Variants in MIB2 observed in about 807,000 individuals in gnomAD.
The protein encoded by MIB2 is E3 ubiquitin-protein ligase MIB2.
A neutral mutation model predicts 96.6 loss-of-function variants in MIB2; 78 were observed. The observed-to-expected ratio is 0.81, with a 90% CI of 0.67 to 0.97. MIB2 has a LOEUF of 0.97. Ranked by LOEUF, MIB2 falls within the 50% of genes least tolerant of loss-of-function variation. The pLI is 0.00. For synonymous variants in MIB2, 820 were observed against 629.5 expected (o/e 1.30, Z -4.53); for missense variants, 1,543 against 1,424.0 (o/e 1.08, Z -1.35).
rs755577709 is a variant in MIB2 at position 1,628,498 on chromosome 1, G to A, written c.1978G>A (p.Asp660Asn). ...AQILIREGRC[D>N]VNVRNRKLQS... is the part of the protein sequence containing the mutation. ...CCCCACCCCTCCCCAGGGCCGCTGT[G>A]ACGTGAACGTGCGCAACCGGAAGCT... is the stretch of plus-strand genomic sequence containing the variant. The change falls in exon 16 of 20, where the codon GAC (aspartate) becomes AAC (asparagine). Residue 660 changes from aspartate (D) to asparagine (N), a missense_variant. Physicochemically the swap from Asp to Asn is conservative, Grantham distance 23. Coordinates refer to ENST00000355826, the MANE Select transcript of MIB2 (RefSeq NM_001170687.4). 16 of 1,599,492 alleles carry A rather than the reference G, an allele frequency of 1.0e-5. No homozygotes were observed. The East Asian group carries it at 1.6e-4, about 16-fold the overall frequency.
Position 1,629,268 on chromosome 1 carries a change from G to T in MIB2, c.2338G>T (p.Gly780Cys). ...GRSPLDLAAE[G>C]RVLKALQGCA... ...GAGCCCGCTGGACCTGGCCGCCGAG[G>T]GTCGCGTGCTCAAGGCCCTTCAGGG... Residue 780 changes from glycine (G) to cysteine (C), a missense_variant, in exon 17 of 20, where the codon GGT (glycine) becomes TGT (cysteine). By Grantham distance (159) the Gly-to-Cys change is radical (BLOSUM62 -3). Coordinates refer to ENST00000355826, the MANE Select transcript of MIB2 (RefSeq NM_001170687.4). The T allele has an allele frequency of 6.5e-7, 1 of 1,545,066 alleles. No individual in the cohort carries two copies. Among genetic ancestry groups the T allele is most frequent in the East Asian group, 2.6e-5 (1 of 38,946 alleles).
rs372787808 is a variant in MIB2 at position 1,625,451 on chromosome 1, C to A, written c.864+23C>A. ...GAGGTGAGCCGCCCCGCCGTGGAGC[C>A]CTGTGTGCCCTGCCCTCCCAGCCCT... On this transcript the variant is annotated intron_variant, in intron 7 of 19. Transcript: ENST00000355826. This position sits in a 1 kb window ranked among gnomAD's most constrained non-coding sequence, Gnocchi z 5.0. 84 of 1,562,092 alleles carry A rather than the reference C, an allele frequency of 5.4e-5. No individual in the cohort carries two copies. Among genetic ancestry groups the A allele is most frequent in the Non-Finnish European group, 7.2e-5 (83 of 1,153,844 alleles).
In MIB2 at chr1:1,628,475, C is replaced by T. The variant is rs1479839532; in HGVS notation, c.1969-14C>T. On this transcript the variant is annotated splice_polypyrimidine_tract_variant and intron_variant, in intron 15 of 19. Coordinates refer to ENST00000355826, the MANE Select transcript of MIB2 (RefSeq NM_001170687.4). Reference sequence around the variant, plus strand: ...TGGGGTCCCTGGGCTGAGCCCGTCCCCACCCCTCCCCAGGGCCGCTGTGAC... The same window carrying T: ...TGGGGTCCCTGGGCTGAGCCCGTCCTCACCCCTCCCCAGGGCCGCTGTGAC... 3.8e-6 allele frequency: 6 copies of T among 1,595,254 alleles called. No homozygotes were observed. Among genetic ancestry groups the T allele is most frequent in the Non-Finnish European group, 5.1e-6 (6 of 1,174,538 alleles).
At chr1:1,620,603 C>G (rs539652674) in intron 2 of MIB2, among the ~76,000 whole-genome samples, 2 of 152,226 alleles carry the variant, frequency 1.3e-5, no homozygotes, top group African/African-American at 2.4e-5. Flanking sequence ...TCTCACTTGT[C>G]CCCCCGCCAG....
intron 16 of MIB2, 29 bp from the exon 17 acceptor site, chr1:1,629,104 C>G (rs954837691): frequency 1.4e-6 from 2 of 1,424,000 alleles, no homozygotes; most frequent in African/African-American, 1.5e-5. Flanking sequence ...CCGGCGCCCG[C>G]CCTCACCGGC....
chr1:1,625,571 A>T lies in MIB2; in HGVS notation c.890A>T (p.His297Leu). The T allele has an allele frequency of 6.3e-7, 1 of 1,584,188 alleles. No individual in the cohort carries two copies. The highest frequency in any genetic ancestry group is 1.1e-5 in the South Asian group (1 of 87,078). The change falls in exon 8 of 20, where the codon CAT (histidine) becomes CTT (leucine). Residue 297 changes from histidine (H) to leucine (L), a missense_variant. His to Leu is a moderately conservative substitution (Grantham distance 99). Coordinates refer to ENST00000355826, the MANE Select transcript of MIB2 (RefSeq NM_001170687.4). The surrounding 1 kb of genome is among the most constrained non-coding windows in gnomAD (Gnocchi z 5.0). Reference protein sequence around the residue: ...AEFIGQTGTVHRITDRGDVRV... With the variant: ...AEFIGQTGTVLRITDRGDVRV... The stretch of plus-strand genomic sequence containing the variant: ...TTTATCGGACAGACGGGCACCGTGC[A>T]TCGTATCACGGACCGCGGGGACGTG...
chr1:1,616,724 A>G, intron 2 of MIB2, 110 bp downstream of exon 2: 1 of 793,064 alleles, frequency 1.3e-6, no homozygotes, highest in Non-Finnish European at 2.0e-6. Context: ...CATGCATGCG[A>G]GTGGAGGGGA....
chr1:1,623,891 A>G lies in MIB2; in HGVS notation c.365A>G (p.Asn122Ser), dbSNP rs1344172074. The part of the protein sequence containing the change: ...YDLCTQCYMH[N>S]KHELAHAFDR... ...CTCTGCACGCAGTGCTACATGCACA[A>G]CAAGCATGAGCTCGCCCACGCCTTC... Residue 122 changes from asparagine to serine, a missense_variant, in exon 4 of 20, where the codon AAC becomes AGC. By Grantham distance (46) the Asn-to-Ser change is conservative. Transcript: ENST00000355826. 6.2e-7 allele frequency: 1 copy of G among 1,612,202 alleles called. No individual in the cohort carries two copies. Among genetic ancestry groups the G allele is most frequent in the South Asian group, 1.1e-5 (1 of 91,030 alleles).
rs781191689 is a variant in MIB2 at position 1,629,673 on chromosome 1, C to T, written c.2598C>T (p.Cys866=). The change falls in exon 19 of 20, where the codon TGC becomes TGT. Residue 866 remains cysteine, a synonymous_variant. Coordinates refer to ENST00000355826, the MANE Select transcript of MIB2 (RefSeq NM_001170687.4). ...CARRMKKCIR[C]QVVVSKKLRP... ...GCAGGATGAAGAAGTGCATCAGGTG[C>T]CAGGTGGTCGTCAGCAAGAAACTGC... 1.3e-5 allele frequency: 20 copies of T among 1,599,786 alleles called. No individual in the cohort carries two copies. The highest frequency in any genetic ancestry group is 1.7e-4 in the Middle Eastern group (1 of 6,016).
Position 1,626,318 on chromosome 1 carries a change from G to A in MIB2, c.973-332G>A, listed in dbSNP as rs1189847633. On this transcript the variant is annotated intron_variant, in intron 8 of 19. Transcript: ENST00000355826. This position sits in a 1 kb window ranked among gnomAD's most constrained non-coding sequence, Gnocchi z 5.3. ...CATGGTCCTGGGGCCCCACCCCCACGCTGGCTCACGGGCCCTGGCCATGTT... is the reference window on the plus strand; with the variant it reads ...CATGGTCCTGGGGCCCCACCCCCACACTGGCTCACGGGCCCTGGCCATGTT... The A allele has an allele frequency of 1.9e-5, 7 of 375,428 alleles. No homozygotes were observed. The highest frequency in any genetic ancestry group is 8.6e-5 in the Admixed American group (2 of 23,188). The allele number at this position is 375,428 out of a possible 1,614,324, so 23.3% of individuals were successfully genotyped here. A position where few individuals can be genotyped will look rare whatever the true frequency, so the allele number is the denominator to read the frequency against.
At position 1,627,217 on chromosome 1, in the gene MIB2, T is replaced by C. The variant is rs1220411298; in HGVS notation, c.1374+10T>C. On this transcript the variant is annotated intron_variant, in intron 11 of 19. Coordinates refer to ENST00000355826, the MANE Select transcript of MIB2 (RefSeq NM_001170687.4). ...GAGGCGCCCAGAGCAGGCAAGCTCC[T>C]GACCCCGTCCTCCCATACTGGCCAG... 6.2e-7 allele frequency: 1 copy of C among 1,609,020 alleles called. No homozygotes were observed. Among genetic ancestry groups the C allele is most frequent in the South Asian group, 1.1e-5 (1 of 90,644 alleles).
intron 13 of MIB2, 47 bp downstream of exon 13, chr1:1,627,876 G>A (rs757557570): frequency 3.1e-6 from 5 of 1,589,216 alleles, no homozygotes; most frequent in Non-Finnish European, 4.3e-6. Context: ...GTGAGTGCTT[G>A]TCCCTGGCCT....
rs557180162 is a variant in MIB2, at chr1:1,623,243, G to A, written c.-22-188G>A. 41 of 999,338 alleles carry A rather than the reference G, an allele frequency of 4.1e-5. No homozygotes were observed. In the South Asian group the frequency reaches 5.7e-4, roughly 14 times the overall value. 61.9% of individuals were successfully genotyped at this position (999,338 alleles called of 1,614,324 possible). A position where few individuals can be genotyped will look rare whatever the true frequency, so the allele number is the denominator to read the frequency against. ...TGGCACGGCGCCCGCCTTTCCCACC[G>A]GCCTCCCTGGTGCCAGACTGCGGGC... On this transcript the variant is annotated intron_variant, in intron 2 of 19. Transcript: ENST00000355826.
Position 1,630,581 on chromosome 1 carries a change from T to A in MIB2, c.*51T>A. 8.7e-6 allele frequency: 12 copies of A among 1,386,164 alleles called. No homozygotes were observed. Among genetic ancestry groups the A allele is most frequent in the Non-Finnish European group, 1.1e-5 (12 of 1,045,460 alleles). 85.9% of individuals were successfully genotyped at this position (1,386,164 alleles called of 1,614,324 possible). A position where few individuals can be genotyped will look rare whatever the true frequency, so the allele number is the denominator to read the frequency against. On this transcript the variant is annotated 3_prime_UTR_variant, in exon 20 of 20. Coordinates refer to ENST00000355826, the MANE Select transcript of MIB2 (RefSeq NM_001170687.4). ...TGCCTTCGCGTGCCCCCGCCCTGTG[T>A]TTTATAAAAAGAAAGATTCTCGGAC...
chr1:1,619,196 A>G (rs1445239841), intron 2 of MIB2: 1 of 151,996 alleles, frequency 6.6e-6, no homozygotes, highest in Non-Finnish European at 1.5e-5. Flanking sequence ...ACACGGTGAA[A>G]CCCCCGTCTC....
At chr1:1,616,673 T>C in intron 2 of MIB2, 59 bp downstream of exon 2, 1 of 1,364,690 alleles carries the variant, frequency 7.3e-7, no homozygotes, top group Non-Finnish European at 1.0e-6. Context: ...ACTTTGGGGC[T>C]CCGTGGAAGC....
At chr1:1,621,998 T>A (rs1292339220) in intron 2 of MIB2, among the ~76,000 whole-genome samples, 1 of 152,170 alleles carries the variant, frequency 6.6e-6, no homozygotes, top group Non-Finnish European at 1.5e-5. Context: ...CGGGCCAGGG[T>A]GTCTCCTGAA....
rs760665820 is a variant in MIB2 at position 1,629,294 on chromosome 1, C to G, written c.2364C>G (p.Gly788=). The stretch of plus-strand genomic sequence containing the variant: ...GTCGCGTGCTCAAGGCCCTTCAGGG[C>G]TGCGCCCAGCGCTTCCGGTGAGTCC... The part of the protein sequence containing the change: ...AEGRVLKALQ[G]CAQRFRERQA... The change falls in exon 17 of 20, where the codon GGC becomes GGG. Residue 788 remains glycine (G), a synonymous_variant. Coordinates refer to ENST00000355826, the MANE Select transcript of MIB2 (RefSeq NM_001170687.4). The G allele has an allele frequency of 6.6e-7, 1 of 1,513,834 alleles. No homozygotes were observed. The highest frequency in any genetic ancestry group is 8.7e-7 in the Non-Finnish European group (1 of 1,146,066). The allele number at this position is 1,513,834 out of a possible 1,614,324, so 93.8% of individuals were successfully genotyped here. A position where few individuals can be genotyped will look rare whatever the true frequency, so the allele number is the denominator to read the frequency against.
intron 2 of MIB2, chr1:1,617,641 C>G (rs1378104471): frequency 2.6e-5 from 4 of 152,194 alleles, no homozygotes; most frequent in African/African-American, 9.7e-5. Flanking sequence ...AGCCTGGTAG[C>G]CGAGCGAATC....
Sources: gnomAD v4.1 joint callset for allele counts (sites outside exome capture counted in the v4.1 genomes callset) on GRCh38, gnomAD v4.1.1 for gene constraint, Gnocchi (gnomAD v3.1) non-coding constraint, MANE v1.5 for transcripts, NCBI Gene and HGNC (gene_info 2026-07-23, HGNC 2026-07-21) for gene names.